Variants in CPEB2 observed in about 807,000 individuals in gnomAD.
CPEB2 encodes the protein cytoplasmic polyadenylation element-binding protein 2.
CPEB2 carries 56 observed loss-of-function variants against 93.6 expected under a neutral mutation model. The observed-to-expected ratio is 0.60, with a 90% confidence interval of 0.48 to 0.75. The LOEUF (loss-of-function observed/expected upper bound fraction) is 0.75, where lower values mean the gene tolerates loss of function less well. Among genes scored for constraint, CPEB2 ranks in the 30% least tolerant of loss-of-function variants. The pLI is 0.00. For missense variants in CPEB2, 1,579 were observed against 1,395.1 expected (o/e 1.13, Z -2.10); for synonymous variants, 764 against 586.3 (o/e 1.30, Z -4.38).
intron 11 of CPEB2, among the ~76,000 whole-genome samples, chr4:15,063,493 T>G (rs1173282510): frequency 6.6e-6 from 1 of 152,104 alleles, no homozygotes; most frequent in Admixed American, 6.6e-5. Flanking sequence ...CTGTACATTA[T>G]TCACCTGGGA....
intron 4 of CPEB2, among the ~76,000 whole-genome samples, chr4:15,029,078 A>G (rs1725801680): frequency 6.6e-6 from 1 of 152,024 alleles, no homozygotes; most frequent in South Asian, 2.1e-4. Context: ...GTTTTTGCCT[A>G]TAACCTGTGC....
chr4:15,040,625 G>T, intron 6 of CPEB2, 138 bp downstream of exon 6: 1 of 708,100 alleles, frequency 1.4e-6, no homozygotes, highest in Non-Finnish European at 2.2e-6. Context: ...ACTTGTCGAA[G>T]TTTTTAATTT....
rs943687829 is a variant in CPEB2, at chr4:15,062,675, G to A, written c.2877+415G>A. Among the ~76,000 whole-genome samples, 11 of 152,098 alleles carry A rather than the reference G, an allele frequency of 7.2e-5. No homozygotes were observed. In the South Asian group the frequency reaches 8.3e-4, roughly 11 times the overall value. On this transcript the variant is annotated intron_variant, in intron 11 of 11. Coordinates refer to ENST00000538197, the MANE Select transcript of CPEB2 (RefSeq NM_001177382.2). ...ACATGTCTTTCTCAGTAATTTTGAG[G>A]ATTAAATGAATTTACATATATATAA...
At chr4:15,030,149 G>A (rs1725939551) in intron 4 of CPEB2, among the ~76,000 whole-genome samples, 1 of 151,960 alleles carries the variant, frequency 6.6e-6, no homozygotes, top group Admixed American at 6.6e-5. Context: ...TAGTTTTATA[G>A]TAATGTGGTT....
chr4:15,052,036 T>C (rs909295565), intron 6 of CPEB2, among the ~76,000 whole-genome samples: 1 of 152,210 alleles, frequency 6.6e-6, no homozygotes, highest in Non-Finnish European at 1.5e-5. Flanking sequence ...TCCCCTTATC[T>C]ATTTAGTCTG....
At chr4:15,018,276 G>C (rs186540824) in intron 4 of CPEB2, among the ~76,000 whole-genome samples, 348 of 151,926 alleles carry the variant, frequency 2.3e-3, no homozygotes, top group African/African-American at 8.1e-3. Flanking sequence ...GTGGGGCTAA[G>C]TTGATAATAC....
intron 8 of CPEB2, 43 bp from the exon 9 acceptor site, chr4:15,058,378 C>T: frequency 1.8e-6 from 2 of 1,114,774 alleles, no homozygotes; most frequent in Non-Finnish European, 1.3e-6. Context: ...GGAGTAAAAT[C>T]ACTTGGCTTG....
chr4:15,004,227 G>C lies in CPEB2; in HGVS notation c.1554G>C (p.Pro518=). Residue 518 remains proline (P), a synonymous_variant, in exon 1 of 12, where the codon CCG becomes CCC. Transcript: ENST00000538197. ...AGCAGCCCCCGCCGCCCGCGGCGCCGCAGCAGCCGCAGAGCCGGAGGTCGC... is the reference window on the plus strand; with the variant it reads ...AGCAGCCCCCGCCGCCCGCGGCGCCCCAGCAGCCGCAGAGCCGGAGGTCGC... ...PQQQPPPPAA[P]QQPQSRRSPV... 1 of 1,462,342 alleles carries C rather than the reference G, an allele frequency of 6.8e-7. No homozygotes were observed. 90.6% of individuals were successfully genotyped at this position (1,462,342 alleles called of 1,614,324 possible).
Position 15,059,211 on chromosome 4 carries a change from A to G in CPEB2, c.2605A>G (p.Ser869Gly). 1.9e-6 allele frequency: 3 copies of G among 1,611,390 alleles called. No individual in the cohort carries two copies. The highest frequency in any genetic ancestry group is 2.7e-5 in the African/African-American group (2 of 74,952). ...GGTTCAAATACGTCCTTGGAATTTA[A>G]GTGATAGTGATTTTGTAATGGATGG... The part of the protein sequence containing the change: ...KPVQIRPWNL[S>G]DSDFVMDGSQ... The change falls in exon 10 of 12, where the codon AGT becomes GGT. Residue 869 changes from serine (S) to glycine (G), a missense_variant. Physicochemically the swap from Ser to Gly is moderately conservative, Grantham distance 56. Coordinates refer to ENST00000538197, the MANE Select transcript of CPEB2 (RefSeq NM_001177382.2).
chr4:15,024,436 T>C (rs1725201639), intron 4 of CPEB2, among the ~76,000 whole-genome samples: 1 of 152,172 alleles, frequency 6.6e-6, no homozygotes, highest in African/African-American at 2.4e-5. Flanking sequence ...GAAGGTATGA[T>C]ATTTTAACCT....
chr4:15,056,781 A>C (rs1244807505), intron 8 of CPEB2, among the ~76,000 whole-genome samples: 2 of 152,168 alleles, frequency 1.3e-5, no homozygotes, highest in African/African-American at 2.4e-5. Flanking sequence ...CCTTCACCTT[A>C]AGTGATTATT....
intron 6 of CPEB2, 88 bp downstream of exon 6, chr4:15,040,575 C>T: frequency 8.4e-7 from 1 of 1,197,516 alleles, no homozygotes; most frequent in East Asian, 2.6e-5. Context: ...ATTTTTCATG[C>T]AATATCTGAA....
intron 5 of CPEB2, among the ~76,000 whole-genome samples, chr4:15,039,899 T>G (rs1438122562): frequency 6.6e-6 from 1 of 152,168 alleles, no homozygotes; most frequent in Non-Finnish European, 1.5e-5. Context: ...AAGTTTAACA[T>G]TGATTTCTTA....
Position 15,068,878 on chromosome 4 carries a change from T to C in CPEB2, c.*2498T>C, listed in dbSNP as rs1008969865. On this transcript the variant is annotated 3_prime_UTR_variant, in exon 12 of 12. Transcript: ENST00000538197. Reference sequence around the variant, plus strand: ...AAGTAAAGCTTATTAGTCTAATGTTTTGTTCCTTTCCCACCTCACCCCTAC... The same window carrying C: ...AAGTAAAGCTTATTAGTCTAATGTTCTGTTCCTTTCCCACCTCACCCCTAC... 8 of 152,260 alleles carry C rather than the reference T, an allele frequency of 5.3e-5. No homozygotes were observed. The highest frequency in any genetic ancestry group is 1.9e-4 in the African/African-American group (8 of 41,410). 9.4% of individuals were successfully genotyped at this position (152,260 alleles called of 1,614,324 possible).
rs749835643 is a variant in CPEB2, at chr4:15,066,378, T to TA, written c.3105dup. ...RPRQIHFRWN[*] ...ACGTCAGATCCACTTCCGCTGGAAC[T>TA]AAGAATAGCAAACTGGCCTCTGTTT... The change falls in exon 12 of 12, where the codon TAA becomes TAAA. Residue 1035 remains the stop codon, a frameshift_variant and stop_retained_variant. Coordinates refer to ENST00000538197, the MANE Select transcript of CPEB2 (RefSeq NM_001177382.2). LOFTEE classifies it high-confidence loss of function. The TA allele has an allele frequency of 1.3e-6, 2 of 1,592,724 alleles. No homozygotes were observed. The highest frequency in any genetic ancestry group is 4.5e-5 in the East Asian group (2 of 44,168).
rs1311862650 is a variant in CPEB2 at position 15,008,374 on chromosome 4, G to T, written c.1981G>T (p.Asp661Tyr). 1 of 1,613,942 alleles carries T rather than the reference G, an allele frequency of 6.2e-7. No homozygotes were observed. Among genetic ancestry groups the T allele is most frequent in the East Asian group, 2.2e-5 (1 of 44,864 alleles). ...TTTGCAGTTGCCAGCTTGGGGCTCA[G>T]ATTCACTCCAAGATAGTTGGTGCAC... is the stretch of plus-strand genomic sequence containing the variant. ...SSLQLPAWGS[D>Y]SLQDSWCTAA... Residue 661 changes from aspartate (D) to tyrosine (Y), a missense_variant, in exon 3 of 12, where the codon GAT becomes TAT. By Grantham distance (160) the Asp-to-Tyr change is radical. Coordinates refer to ENST00000538197, the MANE Select transcript of CPEB2 (RefSeq NM_001177382.2).
At position 15,004,065 on chromosome 4, in the gene CPEB2, C is replaced by G; in HGVS notation, c.1392C>G (p.Ser464Arg). 1 of 1,567,012 alleles carries G rather than the reference C, an allele frequency of 6.4e-7. No individual in the cohort carries two copies. The highest frequency in any genetic ancestry group is 8.6e-7 in the Non-Finnish European group (1 of 1,159,466). Residue 464 changes from serine to arginine, a missense_variant, in exon 1 of 12, where the codon AGC becomes AGG. By Grantham distance (110) the Ser-to-Arg change is moderately radical. Coordinates refer to ENST00000538197, the MANE Select transcript of CPEB2 (RefSeq NM_001177382.2). ...CCATGAACCCGGCCTTCTTCCCTAG[C>G]TTCTCGCCCGTGTCGCCGCACGGCT... The part of the protein sequence containing the change: ...PSSMNPAFFP[S>R]FSPVSPHGCT...
At chr4:15,005,966 G>A (rs1722760712) in intron 1 of CPEB2, among the ~76,000 whole-genome samples, 2 of 152,170 alleles carry the variant, frequency 1.3e-5, no homozygotes, top group Admixed American at 1.3e-4. Flanking sequence ...CAGAGCGTTG[G>A]AAGAACATAT....
rs1435448591 is a variant in CPEB2, at chr4:15,009,544, G to A, written c.2034+1117G>A. The stretch of plus-strand genomic sequence containing the variant: ...CCTTATTAGTGACGTTTTTATGGTA[G>A]CATTTTTGTATTTAAATTCAATACA... On this transcript the variant is annotated intron_variant, in intron 3 of 11. Coordinates refer to ENST00000538197, the MANE Select transcript of CPEB2 (RefSeq NM_001177382.2). Among the ~76,000 whole-genome samples, 5 of 152,090 alleles carry A rather than the reference G, an allele frequency of 3.3e-5. No homozygotes were observed. In the East Asian group the frequency reaches 5.8e-4, roughly 18 times the overall value.
Sources: gnomAD v4.1 joint callset for allele counts (sites outside exome capture counted in the v4.1 genomes callset) on GRCh38, gnomAD v4.1.1 for gene constraint, MANE v1.5 for transcripts, NCBI Gene and HGNC (gene_info 2026-07-23, HGNC 2026-07-21) for gene names.